Variants in CADM1 observed in about 807,000 individuals in gnomAD.
CADM1 encodes cell adhesion molecule 1.
A neutral mutation model predicts 53.1 loss-of-function variants in CADM1; 15 were observed. The observed-to-expected ratio is 0.28, with a 90% CI of 0.19 to 0.44. The LOEUF (loss-of-function observed/expected upper bound fraction) is 0.44, where lower values mean the gene tolerates loss of function less well. Among genes scored for constraint, CADM1 ranks in the 20% least tolerant of loss-of-function variants. The pLI is 1.00. For missense variants in CADM1, 434 were observed against 611.3 expected, an observed-to-expected ratio of 0.71 and a Z score of 3.06; for synonymous variants, 281 against 243.0, an observed-to-expected ratio of 1.16 and a Z score of -1.45.
At chr11:115,235,512 T>C (rs559975040) in intron 3 of CADM1, among the ~76,000 whole-genome samples, 105 of 152,284 alleles carry the variant, frequency 6.9e-4, no homozygotes, top group African/African-American at 2.5e-3. Context: ...AAAACCTGAA[T>C]GAAAATCACA....
chr11:115,499,872 T>C (rs1005555684), intron 1 of CADM1, among the ~76,000 whole-genome samples: 1 of 152,264 alleles, frequency 6.6e-6, no homozygotes, highest in African/African-American at 2.4e-5. Flanking sequence ...TTCTATTACA[T>C]AATTTTTAAT....
chr11:115,177,397 G>T (rs547947241), intron 11 of CADM1, among the ~76,000 whole-genome samples: 1 of 152,312 alleles, frequency 6.6e-6, no homozygotes, highest in African/African-American at 2.4e-5. Context: ...CTGCACCTCA[G>T]TATGCTATAT....
intron 11 of CADM1, among the ~76,000 whole-genome samples, chr11:115,177,588 A>G (rs934018027): frequency 7.9e-5 from 12 of 151,876 alleles, no homozygotes; most frequent in South Asian, 2.1e-4. Flanking sequence ...CTTGCTGCAG[A>G]GTGACACACA....
chr11:115,199,385 G>T (rs1322377273), intron 8 of CADM1, among the ~76,000 whole-genome samples: 2 of 152,090 alleles, frequency 1.3e-5, no homozygotes, highest in East Asian at 3.9e-4. Context: ...ATTGCTAGAT[G>T]AACTTGCTGT....
Position 115,209,675 on chromosome 11 carries a change from G to A in CADM1, c.995-18C>T, listed in dbSNP as rs1940862972. 6 of 1,611,374 alleles carry A rather than the reference G, an allele frequency of 3.7e-6. No individual in the cohort carries two copies. The highest frequency in any genetic ancestry group is 5.1e-6 in the Non-Finnish European group (6 of 1,178,872). On this transcript the variant is annotated intron_variant, in intron 7 of 11. Transcript: ENST00000331581. ...GGGGGGATCTGGATAGAAAAAAAAA[G>A]GAAAATCAAACCCACAATGCTGAAC...
rs192188518 is a variant in CADM1 at position 115,247,640 on chromosome 11, A to G, written c.125-7220T>C. Among the ~76,000 whole-genome samples, 466 of 152,350 alleles carry G rather than the reference A, an allele frequency of 3.1e-3. 7 individuals carry two copies. Among genetic ancestry groups the G allele is most frequent in the African/African-American group, 0.011 (443 of 41,576 alleles). On this transcript the variant is annotated intron_variant, in intron 1 of 11. Coordinates refer to ENST00000331581, the MANE Select transcript of CADM1 (RefSeq NM_001301043.2). ...ATGCTTAGGGTGGTGGCTCACCACA[A>G]TGCATTCCACTCAGGGTCTAACTCA...
chr11:115,260,660 ATTT>A, intron 1 of CADM1, among the ~76,000 whole-genome samples: 1 of 152,086 alleles, frequency 6.6e-6, no homozygotes, highest in African/African-American at 2.4e-5. Context: ...CTTTTTTTAA[ATTT>A]TTATTTATTT....
At chr11:115,266,955 A>G (rs1256636213) in intron 1 of CADM1, among the ~76,000 whole-genome samples, 3 of 152,238 alleles carry the variant, frequency 2.0e-5, no homozygotes, top group Non-Finnish European at 4.4e-5. Flanking sequence ...AATACAAGTT[A>G]CTCTGCGATT....
At chr11:115,252,901 A>G (rs1356826874) in intron 1 of CADM1, among the ~76,000 whole-genome samples, 1 of 152,168 alleles carries the variant, frequency 6.6e-6, no homozygotes, top group Non-Finnish European at 1.5e-5. Flanking sequence ...CTGTCTTCCA[A>G]TTTTCTCTGT....
chr11:115,416,753 C>G (rs1182629158), intron 1 of CADM1, among the ~76,000 whole-genome samples: 3 of 151,336 alleles, frequency 2.0e-5, no homozygotes, highest in African/African-American at 7.3e-5. Context: ...ATTGTACTCA[C>G]AGTGTAAAAA....
chr11:115,190,690 G>A (rs891109739), intron 10 of CADM1, 198 bp downstream of exon 10: 9 of 553,274 alleles, frequency 1.6e-5, no homozygotes, highest in African/African-American at 5.6e-5. Context: ...TCCCCATTCC[G>A]AAATATAAAT....
intron 1 of CADM1, among the ~76,000 whole-genome samples, chr11:115,306,202 T>C (rs910741653): frequency 3.3e-5 from 5 of 151,854 alleles, no homozygotes; most frequent in African/African-American, 1.2e-4. Flanking sequence ...TAGTGTACCT[T>C]TTCTATGTTT....
chr11:115,345,883 A>C (rs1393594500), intron 1 of CADM1, among the ~76,000 whole-genome samples: 1 of 152,120 alleles, frequency 6.6e-6, no homozygotes, highest in Non-Finnish European at 1.5e-5. Flanking sequence ...ATTTTTTTTA[A>C]CTCTAAATTT....
chr11:115,321,459 T>G (rs1944823354), intron 1 of CADM1, among the ~76,000 whole-genome samples: 1 of 152,218 alleles, frequency 6.6e-6, no homozygotes. Context: ...CTCCATTTAC[T>G]GAAACTTCTC....
At chr11:115,316,456 T>A (rs1944668780) in intron 1 of CADM1, among the ~76,000 whole-genome samples, 1 of 152,164 alleles carries the variant, frequency 6.6e-6, no homozygotes, top group African/African-American at 2.4e-5. Context: ...AGGTTTGGGC[T>A]ACAGTGTGTG....
intron 10 of CADM1, among the ~76,000 whole-genome samples, chr11:115,189,977 T>A (rs914944078): frequency 6.6e-6 from 1 of 152,218 alleles, no homozygotes; most frequent in Admixed American, 6.5e-5. Context: ...GTCAGACTTA[T>A]AGTTAAGGAC....
intron 1 of CADM1, among the ~76,000 whole-genome samples, chr11:115,488,471 A>C (rs112892195): frequency 0.042 from 6,370 of 152,122 alleles, 181 homozygotes; most frequent in Middle Eastern, 0.095. Context: ...CCTCTCAAAA[A>C]CTCCTTCACA....
intron 1 of CADM1, among the ~76,000 whole-genome samples, chr11:115,503,484 A>C (rs1463284025): frequency 6.6e-6 from 1 of 151,642 alleles, no homozygotes. Flanking sequence ...CCGTGTCCCC[A>C]CTCGTGGCAG....
intron 1 of CADM1, among the ~76,000 whole-genome samples, chr11:115,414,631 A>G (rs530217532): frequency 3.3e-5 from 5 of 152,238 alleles, no homozygotes; most frequent in Admixed American, 6.5e-5. Context: ...AGTTTCTAGT[A>G]AAGTTAGACC....
Sources: allele counts gnomAD v4.1 joint callset (sites outside exome capture counted in the v4.1 genomes callset), GRCh38; gene constraint gnomAD v4.1.1; transcripts MANE v1.5; gene names NCBI Gene and HGNC (gene_info 2026-07-23, HGNC 2026-07-21).